KCNAB1: variants seen among roughly 807,000 people sequenced by gnomAD.
The protein encoded by KCNAB1 is voltage-gated potassium channel subunit beta-1.
In KCNAB1, 35 loss-of-function variants were observed where a neutral mutation model predicts 64.6. The observed-to-expected ratio is 0.54, with a 90% CI of 0.41 to 0.72. The LOEUF is 0.72. Among genes scored for constraint, KCNAB1 ranks in the 30% least tolerant of loss-of-function variants. The probability of loss-of-function intolerance (pLI) is 0.00; values close to 1 mark genes in which losing one functional copy is unlikely to be tolerated. For missense variants in KCNAB1, 401 were observed against 512.9 expected, an observed-to-expected ratio of 0.78 and a Z score of 2.11; for synonymous variants, 177 against 183.8, an observed-to-expected ratio of 0.96 and a Z score of 0.30.
chr3:156,502,532 CCA>C (rs60469602), intron 8 of KCNAB1, among the ~76,000 whole-genome samples: 6,558 of 142,662 alleles, frequency 0.046, 259 homozygotes, highest in African/African-American at 0.12. Context: ...TACCTTACAA[CCA>C]CACACACACA....
intron 1 of KCNAB1, among the ~76,000 whole-genome samples, chr3:156,249,560 T>TAA (rs5853747): frequency 6.9e-6 from 1 of 144,086 alleles, no homozygotes. Flanking sequence ...AGACTCTGTC[T>TAA]AAAAAAAAAA....
chr3:156,137,962 C>T (rs1196690776), intron 1 of KCNAB1, among the ~76,000 whole-genome samples: 1 of 152,162 alleles, frequency 6.6e-6, no homozygotes, highest in East Asian at 1.9e-4. Context: ...TTTTCCCAGA[C>T]TGGGTTTAGC....
chr3:156,303,720 A>G (rs1721303601), intron 1 of KCNAB1, among the ~76,000 whole-genome samples: 1 of 152,194 alleles, frequency 6.6e-6, no homozygotes, highest in Admixed American at 6.5e-5. Flanking sequence ...TAGAGTCAAC[A>G]GTGCACATCA....
chr3:156,496,088 GGTTT>G (rs1436980103), intron 8 of KCNAB1, among the ~76,000 whole-genome samples: 1 of 152,122 alleles, frequency 6.6e-6, no homozygotes, highest in South Asian at 2.1e-4. Flanking sequence ...GTAAGAGGTG[GGTTT>G]GGGAGGCAGG....
At chr3:156,307,186 T>A (rs1206280252) in intron 1 of KCNAB1, among the ~76,000 whole-genome samples, 1 of 152,174 alleles carries the variant, frequency 6.6e-6, no homozygotes. Flanking sequence ...TCAGGCATCA[T>A]TTCAAGATAG....
At chr3:156,289,216 T>C (rs1394155649) in intron 1 of KCNAB1, among the ~76,000 whole-genome samples, 1 of 152,216 alleles carries the variant, frequency 6.6e-6, no homozygotes, top group Non-Finnish European at 1.5e-5. Flanking sequence ...GTCCTCCCTG[T>C]GGAACTGACA....
chr3:156,444,071 A>C (rs1361481306), intron 2 of KCNAB1, among the ~76,000 whole-genome samples: 1 of 152,216 alleles, frequency 6.6e-6, no homozygotes, highest in African/African-American at 2.4e-5. Context: ...GAAGCCAAAA[A>C]TGAAAGACCA....
intron 8 of KCNAB1, among the ~76,000 whole-genome samples, chr3:156,510,443 T>A (rs1717129436): frequency 6.6e-6 from 1 of 152,126 alleles, no homozygotes; most frequent in Non-Finnish European, 1.5e-5. Context: ...TCTCTCCCTC[T>A]TCCTTCCCAG....
At chr3:156,314,225 TA>T (rs1170003946) in intron 1 of KCNAB1, among the ~76,000 whole-genome samples, 1 of 151,948 alleles carries the variant, frequency 6.6e-6, no homozygotes, top group Non-Finnish European at 1.5e-5. Context: ...GAGGTGAGAG[TA>T]AAAAGGCAAA....
intron 1 of KCNAB1, among the ~76,000 whole-genome samples, chr3:156,172,412 G>A (rs898393219): frequency 2.0e-5 from 3 of 151,794 alleles, no homozygotes; most frequent in Non-Finnish European, 2.9e-5. Flanking sequence ...CCTGAGTAGC[G>A]GGGACTACAG....
intron 5 of KCNAB1, 149 bp downstream of exon 5, chr3:156,460,020 A>G (rs1300447215): frequency 1.8e-6 from 1 of 558,770 alleles, no homozygotes; most frequent in East Asian, 3.1e-5. Flanking sequence ...TTGAAAATAA[A>G]TGCCGGCAAG....
chr3:156,177,523 C>T (rs1282708504), intron 1 of KCNAB1, among the ~76,000 whole-genome samples: 1 of 152,016 alleles, frequency 6.6e-6, no homozygotes, highest in Non-Finnish European at 1.5e-5. Context: ...ACTACAAGCG[C>T]CCGCCACCCC....
At chr3:156,347,937 T>A (rs1377829613) in intron 1 of KCNAB1, among the ~76,000 whole-genome samples, 1 of 152,198 alleles carries the variant, frequency 6.6e-6, no homozygotes, top group African/African-American at 2.4e-5. Flanking sequence ...CATTCATTTT[T>A]AACTAGGAAA....
rs77585991 is a variant in KCNAB1, at chr3:156,331,848, G to T, written c.276-89768G>T. 4.6e-5 allele frequency among the ~76,000 whole-genome samples: 7 copies of T among 152,214 alleles called. No homozygotes were observed. In the East Asian group the frequency reaches 1.3e-3, roughly 29 times the overall value. The stretch of plus-strand genomic sequence containing the variant: ...CATGAACCAAGTTTAGCGGCAGGGG[G>T]TCAAATTTTCCAAACAGTCTTGTGT... On this transcript the variant is annotated intron_variant, in intron 1 of 13. Transcript: ENST00000490337.
intron 1 of KCNAB1, among the ~76,000 whole-genome samples, chr3:156,269,340 G>A (rs1718899077): frequency 6.6e-6 from 1 of 152,100 alleles, no homozygotes; most frequent in Non-Finnish European, 1.5e-5. Flanking sequence ...ATTCAATTGT[G>A]GTCAGAAAAG....
intron 1 of KCNAB1, among the ~76,000 whole-genome samples, chr3:156,185,860 G>T (rs1457941676): frequency 6.6e-6 from 1 of 152,112 alleles, no homozygotes; most frequent in Non-Finnish European, 1.5e-5. Flanking sequence ...ATTCAAGATT[G>T]TCAATATGCC....
chr3:156,463,867 T>A (rs955624747), intron 6 of KCNAB1, 121 bp downstream of exon 6: 2 of 666,184 alleles, frequency 3.0e-6, no homozygotes, highest in Non-Finnish European at 4.9e-6. Flanking sequence ...TTTTTTGTTT[T>A]TTTTTTGTTT....
chr3:156,430,237 G>T (rs538784621), intron 2 of KCNAB1, among the ~76,000 whole-genome samples: 2 of 152,164 alleles, frequency 1.3e-5, no homozygotes, highest in African/African-American at 4.8e-5. Context: ...TATTTCACAC[G>T]CTGTCAGAGT....
rs139344886 is a variant in KCNAB1 at position 156,458,066 on chromosome 3, C to T, written c.437+534C>T. ...AGATTAGACGTCAAAGTCAGGATCC[C>T]CCAAGATGCCAAAGAATCTATCATC... On this transcript the variant is annotated intron_variant, in intron 4 of 13. Coordinates refer to ENST00000490337, the MANE Select transcript of KCNAB1 (RefSeq NM_172160.3). Among the ~76,000 whole-genome samples, 109 of 152,304 alleles carry T rather than the reference C, an allele frequency of 7.2e-4. 2 individuals are homozygous for T. The Middle Eastern group carries it at 0.02, about 29-fold the overall frequency.
Sources: gnomAD v4.1 joint callset for allele counts (sites outside exome capture counted in the v4.1 genomes callset) on GRCh38, gnomAD v4.1.1 for gene constraint, MANE v1.5 for transcripts, NCBI Gene and HGNC (gene_info 2026-07-23, HGNC 2026-07-21) for gene names.